Variants in USP25 observed in about 807,000 individuals in gnomAD.
USP25 encodes ubiquitin specific peptidase 25.
In USP25, 85 loss-of-function variants were observed where a neutral mutation model predicts 158.5. That is an observed-to-expected ratio of 0.54 (90% CI 0.45 to 0.64). USP25 has a LOEUF of 0.64. USP25 is among the 30% of genes least tolerant of loss of function. The probability of loss-of-function intolerance (pLI) is 0.00; values close to 1 mark genes in which losing one functional copy is unlikely to be tolerated. For missense variants in USP25, 1,242 were observed against 1,327.3 expected (o/e 0.94, Z 1.00); for synonymous variants, 464 against 460.4 (o/e 1.01, Z -0.10).
intron 1 of USP25, among the ~76,000 whole-genome samples, chr21:15,742,972 C>T (rs555756690): frequency 1.3e-5 from 2 of 152,334 alleles, no homozygotes; most frequent in Admixed American, 6.5e-5. Flanking sequence ...CCCAGAAACT[C>T]GGAGACGGCA....
intron 23 of USP25, 113 bp from the exon 24 acceptor site, chr21:15,874,290 T>C (rs1268801439): frequency 1.0e-6 from 1 of 967,034 alleles, no homozygotes; most frequent in Non-Finnish European, 1.5e-6. Context: ...TTTTTTATTA[T>C]AATGTAGATT....
At chr21:15,866,242 C>T (rs888594685) in intron 21 of USP25, 24 bp from the exon 22 acceptor site, 7 of 1,537,194 alleles carry the variant, frequency 4.6e-6, no homozygotes, top group Middle Eastern at 1.8e-4. Flanking sequence ...CACACACGCT[C>T]ATATGTATGT....
At chr21:15,877,599 G>C in intron 24 of USP25, 197 bp from the exon 25 acceptor site, 2 of 444,472 alleles carry the variant, frequency 4.5e-6, no homozygotes, top group Non-Finnish European at 7.9e-6. Flanking sequence ...TTTTGTTTCT[G>C]TTGTTGCCAT....
chr21:15,773,773 C>T (rs2034489028), intron 3 of USP25, among the ~76,000 whole-genome samples: 1 of 152,104 alleles, frequency 6.6e-6, no homozygotes, highest in South Asian at 2.1e-4. Flanking sequence ...CGGAGAAAAG[C>T]TTAGGCTATT....
At position 15,787,905 on chromosome 21, in the gene USP25, C is replaced by T. The variant is rs540666973; in HGVS notation, c.393-3597C>T. Among the ~76,000 whole-genome samples, 356 of 142,968 alleles carry T rather than the reference C, an allele frequency of 2.5e-3. 11 individuals are homozygous for T. The highest frequency in any genetic ancestry group is 3.9e-3 in the Admixed American group (56 of 14,314). The allele number at this position is 142,968 out of a possible 152,430, so 93.8% of individuals were successfully genotyped here. A position where few individuals can be genotyped will look rare whatever the true frequency, so the allele number is the denominator to read the frequency against. On this transcript the variant is annotated intron_variant, in intron 4 of 25. Coordinates refer to ENST00000400183, the MANE Select transcript of USP25 (RefSeq NM_001283041.3). ...AATAAAATAATAACACCCCCTCACC[C>T]CCCCCCCAAGTAAAACCACCGTGTA...
chr21:15,758,651 G>T (rs1352209102), intron 1 of USP25, among the ~76,000 whole-genome samples: 1 of 152,030 alleles, frequency 6.6e-6, no homozygotes, highest in African/African-American at 2.4e-5. Flanking sequence ...CCTGGGACTG[G>T]GTAATTTATA....
intron 17 of USP25, among the ~76,000 whole-genome samples, 178 bp downstream of exon 17, chr21:15,833,726 CA>C (rs531170332): frequency 1.6e-4 from 25 of 152,138 alleles, no homozygotes; most frequent in African/African-American, 5.5e-4. Context: ...TGCCAGACAC[CA>C]CTGTATATAT....
chr21:15,866,253 G>GTTT lies in USP25; in HGVS notation c.2727-6_2727-4dup. The GTTT allele has an allele frequency of 6.8e-7, 1 of 1,472,440 alleles. No individual in the cohort carries two copies. Among genetic ancestry groups the GTTT allele is most frequent in the East Asian group, 2.5e-5 (1 of 40,454 alleles). 91.2% of individuals were successfully genotyped at this position (1,472,440 alleles called of 1,614,324 possible). On this transcript the variant is annotated splice_polypyrimidine_tract_variant and intron_variant, in intron 21 of 25. Coordinates refer to ENST00000400183, the MANE Select transcript of USP25 (RefSeq NM_001283041.3). ...CATACACACACGCTCATATGTATGT[G>GTTT]TTTTTTTTTAAGGTGTCACAACATA...
At chr21:15,830,131 G>A (rs947806363) in intron 14 of USP25, among the ~76,000 whole-genome samples, 11 of 151,976 alleles carry the variant, frequency 7.2e-5, no homozygotes, top group South Asian at 2.1e-4. Context: ...GATTATAGTC[G>A]ATTTTTATTC....
At chr21:15,797,347 A>G (rs549199241) in intron 5 of USP25, among the ~76,000 whole-genome samples, 4 of 151,524 alleles carry the variant, frequency 2.6e-5, no homozygotes, top group East Asian at 3.9e-4. Flanking sequence ...ACAAATAACT[A>G]TAGACAAAGA....
chr21:15,778,910 T>A (rs531345226), intron 4 of USP25, among the ~76,000 whole-genome samples: 13 of 152,246 alleles, frequency 8.5e-5, no homozygotes, highest in Admixed American at 6.5e-4. Flanking sequence ...GTTCTTTTCC[T>A]TTAACATAGT....
chr21:15,815,169 C>T (rs892383920), intron 9 of USP25, among the ~76,000 whole-genome samples: 24 of 152,148 alleles, frequency 1.6e-4, no homozygotes, highest in African/African-American at 5.3e-4. Context: ...GTTGAGCCTG[C>T]GGGTGCACAG....
intron 3 of USP25, among the ~76,000 whole-genome samples, chr21:15,777,644 A>G (rs2034734299): frequency 6.6e-6 from 1 of 152,194 alleles, no homozygotes; most frequent in South Asian, 2.1e-4. Flanking sequence ...AAGAGACCTC[A>G]TAGTAAATAC....
At chr21:15,762,518 A>T (rs1197875309) in intron 1 of USP25, among the ~76,000 whole-genome samples, 1 of 152,152 alleles carries the variant, frequency 6.6e-6, no homozygotes, top group Non-Finnish European at 1.5e-5. Context: ...TGCCGAAAGC[A>T]TGTCTTTTCC....
chr21:15,846,524 A>G (rs944123767), intron 18 of USP25, among the ~76,000 whole-genome samples: 10 of 151,978 alleles, frequency 6.6e-5, no homozygotes, highest in Admixed American at 2.6e-4. Context: ...GTTTTGTTTT[A>G]TTGTTCAGTT....
chr21:15,859,994 T>A (rs373525709), intron 20 of USP25, among the ~76,000 whole-genome samples: 16,611 of 143,902 alleles, frequency 0.12, 968 homozygotes, highest in East Asian at 0.2. Flanking sequence ...TATCTATATT[T>A]TTTTTTTTTT....
At chr21:15,855,672 T>TC (rs1453844477) in intron 20 of USP25, among the ~76,000 whole-genome samples, 1 of 152,202 alleles carries the variant, frequency 6.6e-6, no homozygotes, top group African/African-American at 2.4e-5. Flanking sequence ...ATCTTTCAAG[T>TC]CAGTTACACA....
At chr21:15,741,346 G>A (rs575130991) in intron 1 of USP25, among the ~76,000 whole-genome samples, 2 of 149,694 alleles carry the variant, frequency 1.3e-5, no homozygotes, top group South Asian at 4.2e-4. Flanking sequence ...ACATTTGTAA[G>A]CAGGTCTTTG....
chr21:15,824,241 C>T, intron 11 of USP25, 75 bp downstream of exon 11: 4 of 1,535,420 alleles, frequency 2.6e-6, no homozygotes, highest in Non-Finnish European at 3.5e-6. Flanking sequence ...GAGGAAAATT[C>T]TGCATAATTT....
Sources: gnomAD v4.1 joint callset for allele counts (sites outside exome capture counted in the v4.1 genomes callset) on GRCh38, gnomAD v4.1.1 for gene constraint, MANE v1.5 for transcripts, NCBI Gene and HGNC (gene_info 2026-07-23, HGNC 2026-07-21) for gene names.